The following GALNS variants were observed in gnomAD, a reference collection of about 807,000 sequenced individuals.
GALNS encodes N-acetylgalactosamine-6-sulfatase.
In GALNS, 65 loss-of-function variants were observed where a neutral mutation model predicts 65.9. That is an observed-to-expected ratio of 0.99 (90% CI 0.81 to 1.21). The LOEUF is 1.21. Ranked by LOEUF, GALNS falls within the 50% of genes most tolerant of loss-of-function variation. The pLI is 0.00. For synonymous variants in GALNS, 346 were observed against 288.9 expected (o/e 1.20, Z -2.00); for missense variants, 776 against 700.7 (o/e 1.11, Z -1.21).
intron 9 of GALNS, 67 bp downstream of exon 9, chr16:88,831,931 C>A: frequency 7.3e-7 from 1 of 1,363,370 alleles, no homozygotes. Flanking sequence ...CAGTGAGGGG[C>A]GCACACACCC....
chr16:88,854,963 G>A (rs1278912224), intron 1 of GALNS, among the ~76,000 whole-genome samples: 4 of 152,186 alleles, frequency 2.6e-5, no homozygotes, highest in Non-Finnish European at 5.9e-5. Context: ...TGCCCAGGTG[G>A]GCGGGGCTTC....
At position 88,831,984 on chromosome 16, in the gene GALNS, G is replaced by A. The variant is rs371645074; in HGVS notation, c.1002+14C>T. 1.9e-6 allele frequency: 3 copies of A among 1,609,056 alleles called. No individual in the cohort carries two copies. In the African/African-American group the frequency reaches 4.0e-5, roughly 22 times the overall value. Reference sequence around the variant, plus strand: ...TGGACCTGCTGCCCGGCAGACCGGTGGACGCTGACTCACCTGGCCTGCAGT... The same window carrying A: ...TGGACCTGCTGCCCGGCAGACCGGTAGACGCTGACTCACCTGGCCTGCAGT... On this transcript the variant is annotated intron_variant, in intron 9 of 13. Transcript: ENST00000268695.
intron 8 of GALNS, among the ~76,000 whole-genome samples, chr16:88,833,964 T>C (rs1911796176): frequency 6.6e-6 from 1 of 152,178 alleles, no homozygotes; most frequent in Non-Finnish European, 1.5e-5. Flanking sequence ...GGTGCTGGCG[T>C]CGAGGTGGGC....
At chr16:88,841,135 G>C (rs1279920727) in intron 3 of GALNS, 41 bp from the exon 4 acceptor site, 1 of 1,511,852 alleles carries the variant, frequency 6.6e-7, no homozygotes, top group Non-Finnish European at 9.2e-7. Context: ...GAGACCCCGA[G>C]AAGCTGCCAC....
At chr16:88,853,781 A>G (rs1200812150) in intron 1 of GALNS, among the ~76,000 whole-genome samples, 5 of 152,110 alleles carry the variant, frequency 3.3e-5, no homozygotes, top group Admixed American at 3.3e-4. Context: ...GGGTCAGTGA[A>G]AGGCCAGGGC....
chr16:88,841,015 GT>G lies in GALNS; in HGVS notation c.398del (p.Tyr133SerfsTer20). ...ACCACTTGCCGACAATCTTGCTGAC[GT>G]AGCCGGCCTTCTTCAGAAGCTCCGG... ...LLPELLKKAG[Y>X]VSKIVGKWHL... On this transcript the variant is annotated frameshift_variant, in exon 4 of 14. Transcript: ENST00000268695. LOFTEE classifies it high-confidence loss of function. 1 of 1,613,212 alleles carries G rather than the reference GT, an allele frequency of 6.2e-7. No individual in the cohort carries two copies. Among genetic ancestry groups the G allele is most frequent in the Non-Finnish European group, 8.5e-7 (1 of 1,179,920 alleles).
chr16:88,816,508 C>CGGGGGGGGGGGGGGGGGGGGGG, intron 13 of GALNS: 1 of 983,274 alleles, frequency 1.0e-6, no homozygotes, highest in Non-Finnish European at 1.2e-6. Context: ...TGAAACTTGC[C>CGGGGGGGGGGGGGGGGGGGGGG]AGGCACCCCC....
rs926443877 is a variant in GALNS, at chr16:88,841,206, C to A, written c.320-112G>T. On this transcript the variant is annotated intron_variant, in intron 3 of 13. Coordinates refer to ENST00000268695, the MANE Select transcript of GALNS (RefSeq NM_000512.5). ...CACACATCCTAACAGGACACTGGCC[C>A]CTCGGGGTCAAAGGCTGTGCCTGGG... 6.0e-6 allele frequency: 5 copies of A among 834,584 alleles called. No individual in the cohort carries two copies. In the East Asian group the frequency reaches 1.3e-4, roughly 22 times the overall value. 51.7% of individuals were successfully genotyped at this position (834,584 alleles called of 1,614,324 possible). A position where few individuals can be genotyped will look rare whatever the true frequency, so the allele number is the denominator to read the frequency against.
Position 88,814,304 on chromosome 16 carries a change from GT to G in GALNS, c.*134del. ...GGTCCTGGGCAGGTGGAATTGTGCA[GT>G]CCCCCTGCGTCTGCAGGTGCTGTCT... On this transcript the variant is annotated 3_prime_UTR_variant, in exon 14 of 14. Coordinates refer to ENST00000268695, the MANE Select transcript of GALNS (RefSeq NM_000512.5). The G allele has an allele frequency of 3.4e-6, 4 of 1,169,758 alleles. No individual in the cohort carries two copies. Among genetic ancestry groups the G allele is most frequent in the Non-Finnish European group, 5.0e-6 (4 of 804,742 alleles). The allele number at this position is 1,169,758 out of a possible 1,614,324, so 72.5% of individuals were successfully genotyped here. A position where few individuals can be genotyped will look rare whatever the true frequency, so the allele number is the denominator to read the frequency against.
intron 1 of GALNS, among the ~76,000 whole-genome samples, chr16:88,853,495 G>C (rs1198800368): frequency 6.6e-6 from 1 of 152,128 alleles, no homozygotes; most frequent in East Asian, 1.9e-4. Flanking sequence ...AGGCTGCTGT[G>C]GCAACAGGAG....
chr16:88,827,738 G>A (rs1040754369), intron 9 of GALNS, among the ~76,000 whole-genome samples: 13 of 152,210 alleles, frequency 8.5e-5, no homozygotes, highest in Non-Finnish European at 1.5e-4. Flanking sequence ...GAGCCCGGCG[G>A]CCCTGTCTCT....
intron 13 of GALNS, chr16:88,815,596 A>G (rs1007894570): frequency 1.0e-6 from 1 of 985,334 alleles, no homozygotes; most frequent in Non-Finnish European, 1.2e-6. Context: ...AAATGAGTGC[A>G]GTTTGGTTCT....
At chr16:88,824,236 G>A (rs901312710) in intron 11 of GALNS, among the ~76,000 whole-genome samples, 18 of 152,282 alleles carry the variant, frequency 1.2e-4, no homozygotes, top group South Asian at 2.1e-4. Context: ...AGACCGTGGG[G>A]AGGGAGCAGG....
intron 13 of GALNS, chr16:88,816,847 G>A (rs763877819): frequency 8.1e-5 from 80 of 985,336 alleles, no homozygotes; most frequent in Non-Finnish European, 9.0e-5. Flanking sequence ...TGCAGCTGCC[G>A]AGGGGCCTTC....
At chr16:88,843,511 T>C (rs1967088334) in intron 1 of GALNS, 1 of 316,580 alleles carries the variant, frequency 3.2e-6, no homozygotes, top group East Asian at 7.9e-5. Flanking sequence ...TCTCTGCAGA[T>C]GTAGTGAGCT....
intron 11 of GALNS, among the ~76,000 whole-genome samples, chr16:88,823,404 G>T (rs1312613772): frequency 6.6e-6 from 1 of 152,270 alleles, no homozygotes; most frequent in African/African-American, 2.4e-5. Flanking sequence ...GAAAGGCGAG[G>T]TATGCCTCTA....
In GALNS at chr16:88,849,485, C is replaced by T. The variant is rs538496071; in HGVS notation, c.121-6656G>A. On this transcript the variant is annotated intron_variant, in intron 1 of 13. Transcript: ENST00000268695. ...TTTTTTTTATAGAGATGGGGTTTCACCATGTTGGCCAGGCTGGTCTTGAAT... is the reference window on the plus strand; with the variant it reads ...TTTTTTTTATAGAGATGGGGTTTCATCATGTTGGCCAGGCTGGTCTTGAAT... Among the ~76,000 whole-genome samples the T allele has an allele frequency of 1.1e-4, 17 of 152,272 alleles. No individual in the cohort carries two copies. The South Asian group carries it at 2.3e-3, about 20-fold the overall frequency.
chr16:88,838,006 G>A, intron 4 of GALNS: 1 of 526,212 alleles, frequency 1.9e-6, no homozygotes, highest in South Asian at 2.2e-5. Flanking sequence ...AGGCATGGCG[G>A]CGGCCGGGGT....
chr16:88,818,659 C>T (rs188980240), intron 12 of GALNS, among the ~76,000 whole-genome samples: 1 of 152,358 alleles, frequency 6.6e-6, no homozygotes, highest in Non-Finnish European at 1.5e-5. Flanking sequence ...CGAGGTGCCA[C>T]GGTTCGCGAT....
Sources: allele counts gnomAD v4.1 joint callset (sites outside exome capture counted in the v4.1 genomes callset), GRCh38; gene constraint gnomAD v4.1.1; transcripts MANE v1.5; gene names NCBI Gene and HGNC (gene_info 2026-07-23, HGNC 2026-07-21).